Variants in PABPC1L observed in about 807,000 individuals in gnomAD.
The protein encoded by PABPC1L is polyadenylate-binding protein 1-like.
Under a neutral mutation model 66.6 loss-of-function variants are expected in PABPC1L, and 31 were observed. The observed-to-expected ratio is 0.47, with a 90% confidence interval of 0.35 to 0.63. The LOEUF (loss-of-function observed/expected upper bound fraction) is 0.63. Among genes scored for constraint, PABPC1L ranks in the 20% least tolerant of loss-of-function variants. The pLI is 0.00. For missense variants in PABPC1L, 722 were observed against 848.8 expected (o/e 0.85, Z 1.86); for synonymous variants, 348 against 335.1 (o/e 1.04, Z -0.42).
chr20:44,915,302 G>A (rs2066730818), intron 2 of PABPC1L, among the ~76,000 whole-genome samples: 1 of 152,174 alleles, frequency 6.6e-6, no homozygotes, highest in Admixed American at 6.5e-5. Flanking sequence ...GGCAGAAAAT[G>A]CCACTAGCTG....
chr20:44,930,583 G>C lies in PABPC1L; in HGVS notation c.1096G>C (p.Ala366Pro). ...RIVGTKPLYV[A>P]LAQRKEERKA... is the part of the protein sequence containing the mutation. ...CGTGGGCACCAAGCCACTCTACGTG[G>C]CACTGGCCCAGCGCAAAGAGGAGCG... The change falls in exon 8 of 15, where the codon GCA (alanine) becomes CCA (proline). Residue 366 changes from alanine to proline, a missense_variant. Ala to Pro is a conservative substitution (Grantham distance 27). Transcript: ENST00000217073. The C allele has an allele frequency of 6.2e-7, 1 of 1,614,254 alleles. No homozygotes were observed. Among genetic ancestry groups the C allele is most frequent in the African/African-American group, 1.3e-5 (1 of 75,086 alleles).
chr20:44,930,725 A>G lies in PABPC1L; in HGVS notation c.1238A>G (p.Gln413Arg). Residue 413 changes from glutamine (Q) to arginine (R), a missense_variant and splice_region_variant, in exon 8 of 15, where the codon CAG (glutamine) becomes CGG (arginine). Around this residue, in one of 3 missense-constraint regions of PABPC1L, gnomAD observed 301 missense variants for 337.2 expected, o/e 0.89. Coordinates refer to ENST00000217073, the MANE Select transcript of PABPC1L (RefSeq NM_001372179.1). The stretch of plus-strand genomic sequence containing the variant: ...AGCTACTTCCTGCCTGCCATGCCCC[A>G]GGTGACGGCCTGCCCGCAACTCCCA... ...PSSYFLPAMP[Q>R]PPAQAAYYGC... 1 of 1,612,476 alleles carries G rather than the reference A, an allele frequency of 6.2e-7. No homozygotes were observed. The highest frequency in any genetic ancestry group is 8.5e-7 in the Non-Finnish European group (1 of 1,179,582).
intron 12 of PABPC1L, chr20:44,937,205 T>C (rs1445488315): frequency 2.9e-6 from 1 of 347,340 alleles, no homozygotes; most frequent in Non-Finnish European, 5.7e-6. Flanking sequence ...CTGGATTCCT[T>C]GTGCAATTCA....
rs911143263 is a variant in PABPC1L, at chr20:44,934,558, C to T, written c.1460-833C>T. Reference sequence around the variant, plus strand: ...TGAATTTGACTGTTCTTGCTTGGTACCTCATGTAAGTAGAATCATAGAGTA... The same window carrying T: ...TGAATTTGACTGTTCTTGCTTGGTATCTCATGTAAGTAGAATCATAGAGTA... On this transcript the variant is annotated intron_variant, in intron 10 of 14. Transcript: ENST00000217073. Among the ~76,000 whole-genome samples, 8 of 152,204 alleles carry T rather than the reference C, an allele frequency of 5.3e-5. No homozygotes were observed. In the South Asian group the frequency reaches 6.2e-4, roughly 12 times the overall value.
rs1425399389 is a variant in PABPC1L at position 44,936,680 on chromosome 20, C to A, written c.1610C>A (p.Thr537Asn). The change falls in exon 12 of 15, where the codon ACC becomes AAC. Residue 537 changes from threonine to asparagine, a missense_variant. Physicochemically the swap from Thr to Asn is moderately conservative, Grantham distance 65. Around this residue, in one of 3 missense-constraint regions of PABPC1L, gnomAD observed 301 missense variants for 337.2 expected, o/e 0.89. Coordinates refer to ENST00000217073, the MANE Select transcript of PABPC1L (RefSeq NM_001372179.1). ...AVHIPGQEPL[T>N]ASMLAAAPLH... is the part of the protein sequence containing the mutation. The stretch of plus-strand genomic sequence containing the variant: ...CACATCCCAGGACAGGAGCCCCTGA[C>A]CGCGTCCATGCTGGCTGCGGCGCCC... The A allele has an allele frequency of 1.9e-6, 3 of 1,608,032 alleles. No individual in the cohort carries two copies. The highest frequency in any genetic ancestry group is 1.7e-4 in the Middle Eastern group (1 of 6,050).
chr20:44,927,368 A>G (rs1394454205), intron 7 of PABPC1L, among the ~76,000 whole-genome samples: 1 of 149,072 alleles, frequency 6.7e-6, no homozygotes, highest in Admixed American at 6.7e-5. Flanking sequence ...TTTTTTTGAG[A>G]TGGAGTTTTG....
chr20:44,937,790 T>C, intron 12 of PABPC1L: 1 of 415,634 alleles, frequency 2.4e-6, no homozygotes, highest in Admixed American at 4.3e-5. Context: ...CATTTTCACT[T>C]TCTTCATGGG....
chr20:44,928,067 A>G (rs1266074047), intron 7 of PABPC1L, among the ~76,000 whole-genome samples: 1 of 151,906 alleles, frequency 6.6e-6, no homozygotes, highest in Admixed American at 6.6e-5. Flanking sequence ...TTCTTTTATT[A>G]TTTTTATTTT....
rs772499206 is a variant in PABPC1L, at chr20:44,934,103, A to G, written c.1459+918A>G. On this transcript the variant is annotated intron_variant, in intron 10 of 14. Transcript: ENST00000217073. ...CATGAAAGGGCTTAGCACTGGGCCT[A>G]AAGCCTGGTAAGTATTGCAGTGACT... Among the ~76,000 whole-genome samples, 3 of 152,196 alleles carry G rather than the reference A, an allele frequency of 2.0e-5. No homozygotes were observed. The South Asian group carries it at 6.2e-4, about 31-fold the overall frequency.
chr20:44,913,745 C>T (rs1162575556), intron 2 of PABPC1L, among the ~76,000 whole-genome samples: 1 of 152,038 alleles, frequency 6.6e-6, no homozygotes, highest in Non-Finnish European at 1.5e-5. Flanking sequence ...CAAGACCAGC[C>T]CACATTCAGA....
intron 5 of PABPC1L, among the ~76,000 whole-genome samples, chr20:44,920,039 T>G (rs3092334): frequency 0.42 from 63,456 of 151,960 alleles, 13,843 homozygotes; most frequent in African/African-American, 0.53. Context: ...TTAGTGGAAG[T>G]TATGGAGGTT....
At position 44,931,020 on chromosome 20, in the gene PABPC1L, TCCCTC is replaced by T. The variant is rs1568649936; in HGVS notation, c.1239+297_1239+301del. On this transcript the variant is annotated intron_variant, in intron 8 of 14. Coordinates refer to ENST00000217073, the MANE Select transcript of PABPC1L (RefSeq NM_001372179.1). ...TTTTTCCTTCCTCCCTTCCTTCCCT[TCCCTC>T]CCTTCCCTCCCTTCCCTCCCTTCCC... Among the ~76,000 whole-genome samples, 55 of 22,390 alleles carry T rather than the reference TCCCTC, an allele frequency of 2.5e-3. 1 individual carries two copies. Among genetic ancestry groups the T allele is most frequent in the African/African-American group, 6.9e-3 (46 of 6,626 alleles). 14.7% of individuals were successfully genotyped at this position (22,390 alleles called of 152,430 possible). A position where few individuals can be genotyped will look rare whatever the true frequency, so the allele number is the denominator to read the frequency against.
Position 44,930,439 on chromosome 20 carries a change from C to T in PABPC1L, c.973-21C>T, listed in dbSNP as rs772061681. 1.9e-5 allele frequency: 31 copies of T among 1,602,724 alleles called. 1 individual carries two copies. In the Middle Eastern group the frequency reaches 5.0e-4, roughly 26 times the overall value. On this transcript the variant is annotated intron_variant, in intron 7 of 14. Coordinates refer to ENST00000217073, the MANE Select transcript of PABPC1L (RefSeq NM_001372179.1). ...GCCTTCCTTCCCCACCCCAGCAGCT[C>T]TTGTCTTGTCTTGCTTTTAGGTGAT... is the stretch of plus-strand genomic sequence containing the variant.
chr20:44,933,049 A>T lies in PABPC1L; in HGVS notation c.1331-8A>T. The T allele has an allele frequency of 1.3e-6, 2 of 1,559,288 alleles. No homozygotes were observed. The highest frequency in any genetic ancestry group is 1.7e-6 in the Non-Finnish European group (2 of 1,148,748). On this transcript the variant is annotated splice_polypyrimidine_tract_variant and splice_region_variant and intron_variant, in intron 9 of 14. Transcript: ENST00000217073. ...ACTTTTCTCTCTCTGTGGTGTCTGC[A>T]CCACAAGCTGCCTACCCTCCAGGTG...
chr20:44,915,116 G>A (rs187364371), intron 2 of PABPC1L, among the ~76,000 whole-genome samples: 25 of 152,356 alleles, frequency 1.6e-4, no homozygotes, highest in African/African-American at 5.5e-4. Flanking sequence ...CAAGGCATGG[G>A]TTTGGAAGCA....
chr20:44,926,527 C>CAT (rs34226005), intron 7 of PABPC1L, among the ~76,000 whole-genome samples: 31,492 of 149,050 alleles, frequency 0.21, 3,498 homozygotes, highest in Admixed American at 0.29. Context: ...GCCCAGCCTA[C>CAT]ATATATATAT....
chr20:44,932,297 C>A, intron 8 of PABPC1L, 45 bp from the exon 9 acceptor site: 2 of 1,514,774 alleles, frequency 1.3e-6, no homozygotes, highest in Non-Finnish European at 1.8e-6. Flanking sequence ...TTCTCACCTA[C>A]CCTGCCGCCA....
rs2066714448 is a variant in PABPC1L, at chr20:44,912,840, T to C, written c.374T>C (p.Ile125Thr). The C allele has an allele frequency of 6.2e-7, 1 of 1,613,876 alleles. No homozygotes were observed. Among genetic ancestry groups the C allele is most frequent in the East Asian group, 2.2e-5 (1 of 44,884 alleles). Residue 125 changes from isoleucine (I) to threonine (T), a missense_variant, in exon 2 of 15, where the codon ATC (isoleucine) becomes ACC (threonine). Ile to Thr is a moderately conservative substitution (Grantham distance 89, BLOSUM62 -1). Around this residue, in one of 3 missense-constraint regions of PABPC1L, gnomAD observed 284 missense variants for 294.8 expected, o/e 0.96. Coordinates refer to ENST00000217073, the MANE Select transcript of PABPC1L (RefSeq NM_001372179.1). ...GATACCTTCTCCACCTTTGGGAACA[T>C]CCTCTCTTGCAAGGTAGAGGATGAA... ...LYDTFSTFGN[I>T]LSCKVACDEH...
At chr20:44,938,996 C>T in intron 14 of PABPC1L, 130 bp from the exon 15 acceptor site, 3 of 678,592 alleles carry the variant, frequency 4.4e-6, no homozygotes, top group African/African-American at 1.8e-5. Flanking sequence ...ATAGTTTGGG[C>T]TTTCCCAGGG....
Sources: allele counts gnomAD v4.1 joint callset (sites outside exome capture counted in the v4.1 genomes callset), GRCh38; gene constraint gnomAD v4.1.1; regional missense constraint gnomAD v4.1.1; transcripts MANE v1.5; gene names NCBI Gene and HGNC (gene_info 2026-07-23, HGNC 2026-07-21).